Variants in AGBL1 observed in about 807,000 individuals in gnomAD.
AGBL1 encodes cytosolic carboxypeptidase 4.
A neutral mutation model predicts 118.9 loss-of-function variants in AGBL1; 130 were observed. That is an observed-to-expected ratio of 1.09 (90% CI 0.95 to 1.26). The LOEUF (loss-of-function observed/expected upper bound fraction) is 1.26, where lower values mean the gene tolerates loss of function less well. Ranked by LOEUF, AGBL1 falls within the 50% of genes most tolerant of loss-of-function variation. The pLI, the probability that AGBL1 is intolerant of heterozygous loss-of-function variation, is 0.00. For missense variants in AGBL1, 1,584 were observed against 1,298.1 expected (o/e 1.22, Z -3.38); for synonymous variants, 555 against 478.9 (o/e 1.16, Z -2.08).
chr15:86,633,719 C>G (rs549437686), intron 21 of AGBL1, among the ~76,000 whole-genome samples: 5 of 149,822 alleles, frequency 3.3e-5, no homozygotes, highest in African/African-American at 4.9e-5. Context: ...ATGTTTCATA[C>G]TATATGCTAT....
At chr15:86,561,870 A>G (rs2083827029) in intron 21 of AGBL1, among the ~76,000 whole-genome samples, 1 of 152,088 alleles carries the variant, frequency 6.6e-6, no homozygotes, top group Non-Finnish European at 1.5e-5. Context: ...GGTCCTTCAC[A>G]TCCCTTGTAA....
At chr15:86,410,123 G>A (rs2081588052) in intron 18 of AGBL1, among the ~76,000 whole-genome samples, 1 of 152,012 alleles carries the variant, frequency 6.6e-6, no homozygotes, top group Admixed American at 6.5e-5. Flanking sequence ...GTGATACATG[G>A]CTTCCTAAAA....
intron 18 of AGBL1, among the ~76,000 whole-genome samples, chr15:86,454,893 TA>T (rs1449592453): frequency 2.0e-5 from 3 of 152,174 alleles, no homozygotes; most frequent in African/African-American, 7.2e-5. Flanking sequence ...TAAACCTCAA[TA>T]ATGTTAATTT....
intron 22 of AGBL1, among the ~76,000 whole-genome samples, chr15:86,802,913 T>C (rs1056975027): frequency 6.6e-6 from 1 of 152,182 alleles, no homozygotes; most frequent in African/African-American, 2.4e-5. Flanking sequence ...TATAGAACTG[T>C]CATAAGCTTT....
At chr15:86,238,231 T>C (rs1430871792) in intron 6 of AGBL1, among the ~76,000 whole-genome samples, 1 of 152,246 alleles carries the variant, frequency 6.6e-6, no homozygotes, top group Non-Finnish European at 1.5e-5. Flanking sequence ...CTGCCACTCC[T>C]GTGGGACTGC....
chr15:86,840,978 A>C (rs1263081207), intron 22 of AGBL1, among the ~76,000 whole-genome samples: 1 of 152,234 alleles, frequency 6.6e-6, no homozygotes, highest in Non-Finnish European at 1.5e-5. Flanking sequence ...TATGCCAAAA[A>C]AAGTTATCTA....
chr15:86,342,979 G>T (rs912509983), intron 17 of AGBL1, among the ~76,000 whole-genome samples: 1 of 152,172 alleles, frequency 6.6e-6, no homozygotes, highest in Non-Finnish European at 1.5e-5. Flanking sequence ...GTTAAATGTA[G>T]TTGTATTGCT....
At chr15:86,164,216 G>T (rs1008824771) in intron 5 of AGBL1, among the ~76,000 whole-genome samples, 1 of 152,176 alleles carries the variant, frequency 6.6e-6, no homozygotes. Context: ...TCTAGTGTTT[G>T]GTCTGTTAAT....
At chr15:86,422,520 ACAT>A (rs1386244838) in intron 18 of AGBL1, among the ~76,000 whole-genome samples, 1 of 152,226 alleles carries the variant, frequency 6.6e-6, no homozygotes, top group Non-Finnish European at 1.5e-5. Context: ...CGACAAGCTA[ACAT>A]CATAATTAAG....
chr15:86,725,645 C>A (rs1189239977), intron 22 of AGBL1, among the ~76,000 whole-genome samples: 1 of 152,118 alleles, frequency 6.6e-6, no homozygotes, highest in African/African-American at 2.4e-5. Flanking sequence ...CAGAAACATT[C>A]CTTTGTAAAG....
chr15:86,259,560 A>G (rs78013230), intron 9 of AGBL1, among the ~76,000 whole-genome samples: 2,584 of 152,238 alleles, frequency 0.017, 42 homozygotes, highest in East Asian at 0.052. Flanking sequence ...CACCCTGCTG[A>G]TGGTAGTAGC....
At chr15:87,020,721 C>G (rs1163699577) in intron 24 of AGBL1, among the ~76,000 whole-genome samples, 1 of 152,022 alleles carries the variant, frequency 6.6e-6, no homozygotes, top group Non-Finnish European at 1.5e-5. Context: ...AGCAGAGAGT[C>G]AAATCATGAA....
At chr15:86,605,652 C>T (rs73443508) in intron 21 of AGBL1, among the ~76,000 whole-genome samples, 4 of 152,224 alleles carry the variant, frequency 2.6e-5, no homozygotes, top group East Asian at 1.9e-4. Flanking sequence ...AAGACATTGA[C>T]GTTGATTTTG....
At chr15:86,626,235 T>C (rs555922120) in intron 21 of AGBL1, among the ~76,000 whole-genome samples, 228 of 152,200 alleles carry the variant, frequency 1.5e-3, no homozygotes, top group African/African-American at 5.3e-3. Context: ...CTATTCACAA[T>C]AGCAAAGACA....
intron 6 of AGBL1, among the ~76,000 whole-genome samples, chr15:86,238,293 G>A (rs957356167): frequency 2.6e-5 from 4 of 152,178 alleles, no homozygotes; most frequent in African/African-American, 9.7e-5. Context: ...CTGCATCTCT[G>A]TTGTCAATAA....
At chr15:86,095,369 T>C (rs989276306) in intron 1 of AGBL1, among the ~76,000 whole-genome samples, 15 of 152,098 alleles carry the variant, frequency 9.9e-5, no homozygotes, top group Non-Finnish European at 2.2e-4. Context: ...TCCAACTATG[T>C]CTTAGTCTTT....
chr15:86,749,290 C>G (rs2077809306), intron 22 of AGBL1, among the ~76,000 whole-genome samples: 1 of 152,092 alleles, frequency 6.6e-6, no homozygotes, highest in African/African-American at 2.4e-5. Context: ...TGGGAGGTCA[C>G]TCATGATTTT....
chr15:86,930,205 T>C (rs977485186), intron 23 of AGBL1, among the ~76,000 whole-genome samples: 1 of 152,170 alleles, frequency 6.6e-6, no homozygotes, highest in Admixed American at 6.5e-5. Flanking sequence ...ATATCCTTGT[T>C]CCAGTTAACT....
At chr15:87,013,175 C>G (rs879923809) in intron 24 of AGBL1, among the ~76,000 whole-genome samples, 1 of 152,174 alleles carries the variant, frequency 6.6e-6, no homozygotes, top group Non-Finnish European at 1.5e-5. Flanking sequence ...TTCTTCTCAA[C>G]AGTTATTTGC....
Sources: allele counts gnomAD v4.1 joint callset (sites outside exome capture counted in the v4.1 genomes callset), GRCh38; gene constraint gnomAD v4.1.1; transcripts MANE v1.5; gene names NCBI Gene and HGNC (gene_info 2026-07-23, HGNC 2026-07-21).